ADGRE3: variants seen among roughly 807,000 people sequenced by gnomAD.
ADGRE3 encodes adhesion G protein-coupled receptor E3.
ADGRE3 carries 88 observed loss-of-function variants against 80.1 expected under a neutral mutation model. The observed-to-expected ratio is 1.10, with a 90% CI of 0.93 to 1.31. The LOEUF is 1.31. ADGRE3 is among the 40% of genes most tolerant of loss of function. The pLI is 0.00. For synonymous variants in ADGRE3, 281 were observed against 294.8 expected, an observed-to-expected ratio of 0.95 and a Z score of 0.48; for missense variants, 715 against 776.5, an observed-to-expected ratio of 0.92 and a Z score of 0.94.
intron 15 of ADGRE3, among the ~76,000 whole-genome samples, 185 bp downstream of exon 15, chr19:14,625,307 G>T (rs1477584257): frequency 1.3e-5 from 2 of 152,090 alleles, no homozygotes; most frequent in African/African-American, 4.8e-5. Context: ...CTAGGTAATG[G>T]GTTGATAGGT....
chr19:14,649,043 T>A (rs1971500372), intron 7 of ADGRE3, among the ~76,000 whole-genome samples: 1 of 149,194 alleles, frequency 6.7e-6, no homozygotes, highest in Non-Finnish European at 1.5e-5. Context: ...TTTCCATATA[T>A]CTCTCCCCAT....
intron 5 of ADGRE3, among the ~76,000 whole-genome samples, chr19:14,657,746 T>TATATATA (rs57153320): frequency 2.1e-4 from 23 of 108,106 alleles, no homozygotes; most frequent in African/African-American, 6.9e-4. Flanking sequence ...TATATATATA[T>TATATATA]TTTTTTGTTT....
At chr19:14,600,605 G>A in the ADGRE3 span, among the ~76,000 whole-genome samples, 1 of 149,292 alleles carries the variant, frequency 6.7e-6, no homozygotes, top group Non-Finnish European at 1.5e-5. Context: ...TTTTTGAGAT[G>A]GAGTCTCGCT....
At chr19:14,609,989 C>A in the ADGRE3 span, 1 of 1,098,586 alleles carries the variant, frequency 9.1e-7, no homozygotes, top group Non-Finnish European at 1.4e-6. Flanking sequence ...AGGTATTCAT[C>A]ATTACAGTAT....
intron 10 of ADGRE3, among the ~76,000 whole-genome samples, chr19:14,640,313 G>T (rs950032137): frequency 1.3e-5 from 2 of 152,004 alleles, no homozygotes; most frequent in Non-Finnish European, 2.9e-5. Context: ...ATTTAAGATG[G>T]AGTTTTGCTC....
At chr19:14,633,470 GC>G (rs1253039064) in intron 11 of ADGRE3, among the ~76,000 whole-genome samples, 168 bp from the exon 12 acceptor site, 1 of 152,082 alleles carries the variant, frequency 6.6e-6, no homozygotes, top group East Asian at 1.9e-4. Flanking sequence ...ACTTTGGGAG[GC>G]CGAGATGGGC....
In ADGRE3 at chr19:14,658,557, A is replaced by G. The variant is rs1314977770; in HGVS notation, c.356-7T>C. On this transcript the variant is annotated splice_polypyrimidine_tract_variant and splice_region_variant and intron_variant, in intron 4 of 15. Coordinates refer to ENST00000253673, the MANE Select transcript of ADGRE3 (RefSeq NM_032571.5). Reference sequence around the variant, plus strand: ...GTCTTTGAGGAGGTGGTGTCTGCAAAAGACATCATGATGGAGTTACTATTG... The same window carrying G: ...GTCTTTGAGGAGGTGGTGTCTGCAAGAGACATCATGATGGAGTTACTATTG... The G allele has an allele frequency of 8.4e-6, 13 of 1,553,652 alleles. No homozygotes were observed. The highest frequency in any genetic ancestry group is 1.1e-5 in the Non-Finnish European group (13 of 1,149,084).
At chr19:14,661,641 A>G (rs575999911) in intron 4 of ADGRE3, among the ~76,000 whole-genome samples, 2 of 152,294 alleles carry the variant, frequency 1.3e-5, no homozygotes, top group South Asian at 2.1e-4. Context: ...TCCTGGTCCC[A>G]CAACAAATAC....
At chr19:14,643,711 G>A (rs1225971211) in intron 9 of ADGRE3, among the ~76,000 whole-genome samples, 2 of 151,548 alleles carry the variant, frequency 1.3e-5, no homozygotes, top group Admixed American at 6.6e-5. Context: ...TTTTCCACAT[G>A]TTGATTTTTT....
downstream of ADGRE3, among the ~76,000 whole-genome samples, chr19:14,616,095 C>T (rs1190618918): frequency 6.6e-6 from 1 of 151,950 alleles, no homozygotes; most frequent in Non-Finnish European, 1.5e-5. Flanking sequence ...CCACACCCGG[C>T]TAATTTTTGT....
At position 14,649,527 on chromosome 19, in the gene ADGRE3, C is replaced by T. The variant is rs115968229; in HGVS notation, c.697+1558G>A. The stretch of plus-strand genomic sequence containing the variant: ...CTTTTTCCATCTCTCTCTCTCCATC[C>T]CTCTTTTCATCTCTTTCTCCCCATC... On this transcript the variant is annotated intron_variant, in intron 7 of 15. Coordinates refer to ENST00000253673, the MANE Select transcript of ADGRE3 (RefSeq NM_032571.5). 6.7e-3 allele frequency among the ~76,000 whole-genome samples: 818 copies of T among 122,030 alleles called. 14 individuals are homozygous for T. The highest frequency in any genetic ancestry group is 0.024 in the African/African-American group (776 of 32,276). 80.1% of individuals were successfully genotyped at this position (122,030 alleles called of 152,430 possible). A position where few individuals can be genotyped will look rare whatever the true frequency, so the allele number is the denominator to read the frequency against.
the ADGRE3 span, among the ~76,000 whole-genome samples, chr19:14,600,357 G>A: frequency 1.3e-5 from 2 of 152,198 alleles, no homozygotes; most frequent in Non-Finnish European, 2.9e-5. Flanking sequence ...AAGAAGACAT[G>A]CTTTGTTTTT....
At chr19:14,664,127 C>A (rs1373443926) in intron 2 of ADGRE3, among the ~76,000 whole-genome samples, 2 of 152,026 alleles carry the variant, frequency 1.3e-5, no homozygotes, top group South Asian at 2.1e-4. Context: ...CATGGTGAAA[C>A]CCCGTCTCTA....
chr19:14,673,852 T>C (rs1445633755), intron 1 of ADGRE3, among the ~76,000 whole-genome samples: 1 of 152,196 alleles, frequency 6.6e-6, no homozygotes, highest in Non-Finnish European at 1.5e-5. Flanking sequence ...TTGTAACCAT[T>C]AGGTAACTTC....
intron 3 of ADGRE3, 47 bp from the exon 4 acceptor site, chr19:14,662,165 T>C (rs1399151056): frequency 6.3e-7 from 1 of 1,595,288 alleles, no homozygotes; most frequent in East Asian, 2.2e-5. Context: ...CAAAGATTTA[T>C]TGAGCAGCTA....
intron 11 of ADGRE3, among the ~76,000 whole-genome samples, chr19:14,634,442 T>C (rs1970977578): frequency 6.6e-6 from 1 of 152,182 alleles, no homozygotes; most frequent in Non-Finnish European, 1.5e-5. Flanking sequence ...TATAGTTAGA[T>C]TGATCTCTGT....
intron 3 of ADGRE3, 41 bp downstream of exon 3, chr19:14,663,377 T>C (rs1381886310): frequency 8.1e-7 from 1 of 1,237,396 alleles, no homozygotes; most frequent in African/African-American, 1.6e-5. Context: ...ATAATAATGA[T>C]AATAAAATAA....
At chr19:14,655,316 C>A in intron 5 of ADGRE3, 151 bp from the exon 6 acceptor site, 2 of 664,226 alleles carry the variant, frequency 3.0e-6, no homozygotes, top group Non-Finnish European at 2.5e-6. Flanking sequence ...AGCTTTGTGA[C>A]CTTGGGCAAG....
At chr19:14,663,346 CAG>C in intron 3 of ADGRE3, 70 bp downstream of exon 3, 1 of 1,008,946 alleles carries the variant, frequency 9.9e-7, no homozygotes, top group African/African-American at 1.7e-5. Flanking sequence ...GCCTGGGCAA[CAG>C]AGCAAGACCC....
Sources: gnomAD v4.1 joint callset for allele counts (sites outside exome capture counted in the v4.1 genomes callset) on GRCh38, gnomAD v4.1.1 for gene constraint, MANE v1.5 for transcripts, NCBI Gene and HGNC (gene_info 2026-07-23, HGNC 2026-07-21) for gene names.